The following OLFM3 variants were observed in gnomAD, a reference collection of about 807,000 sequenced individuals.
The protein encoded by OLFM3 is noelin-3.
In OLFM3, 20 loss-of-function variants were observed where a neutral mutation model predicts 48.6. The observed-to-expected ratio is 0.41, with a 90% CI of 0.29 to 0.60. The LOEUF is 0.60. Ranked by LOEUF, OLFM3 falls within the 20% of genes least tolerant of loss-of-function variation. The pLI, the probability that OLFM3 is intolerant of heterozygous loss-of-function variation, is 0.28. For missense variants in OLFM3, 437 were observed against 544.3 expected, an observed-to-expected ratio of 0.80 and a Z score of 1.96; for synonymous variants, 222 against 198.1, an observed-to-expected ratio of 1.12 and a Z score of -1.01.
Position 101,806,100 on chromosome 1 carries a change from A to C in OLFM3, c.675T>G (p.Pro225=). 1.2e-6 allele frequency: 2 copies of C among 1,611,906 alleles called. No homozygotes were observed. Among genetic ancestry groups the C allele is most frequent in the Non-Finnish European group, 1.7e-6 (2 of 1,178,558 alleles). Residue 225 remains proline, a synonymous_variant, in exon 5 of 6, where the codon CCT becomes CCG. Transcript: ENST00000370103. ...GTRFGAWMTD[P]LASEKNNRVW... ...CTCTGTTGTTTTTCTCAGATGCTAA[A>C]GGGTCTGTCATCCAAGCACCAAATC...
chr1:101,957,976 C>T (rs892903554), intron 1 of OLFM3, among the ~76,000 whole-genome samples: 1 of 152,036 alleles, frequency 6.6e-6, no homozygotes, highest in Non-Finnish European at 1.5e-5. Context: ...GAAAGAGGTG[C>T]AGCAACTGTG....
intron 1 of OLFM3, among the ~76,000 whole-genome samples, chr1:101,892,389 G>A (rs1658034979): frequency 7.0e-6 from 1 of 142,804 alleles, no homozygotes. Context: ...ATCTATAGAA[G>A]CTTATGAGCA....
At chr1:101,847,904 A>G (rs1226363109) in intron 1 of OLFM3, among the ~76,000 whole-genome samples, 1 of 152,120 alleles carries the variant, frequency 6.6e-6, no homozygotes, top group Non-Finnish European at 1.5e-5. Flanking sequence ...GTTCTCCTCT[A>G]GTTAGCCATA....
At chr1:101,805,788 T>A (rs1653741764) in intron 5 of OLFM3, among the ~76,000 whole-genome samples, 1 of 151,754 alleles carries the variant, frequency 6.6e-6, no homozygotes, top group Admixed American at 6.6e-5. Flanking sequence ...ACTAAACATA[T>A]TTTAGAAAGA....
chr1:101,948,721 A>T (rs1660032397), intron 1 of OLFM3, among the ~76,000 whole-genome samples: 1 of 151,866 alleles, frequency 6.6e-6, no homozygotes, highest in Non-Finnish European at 1.5e-5. Flanking sequence ...GGATGTCAAA[A>T]CACTCAGGGT....
chr1:101,993,239 C>A (rs2101124641), intron 1 of OLFM3, among the ~76,000 whole-genome samples: 1 of 152,198 alleles, frequency 6.6e-6, no homozygotes, highest in African/African-American at 2.4e-5. Flanking sequence ...CAGAGAAATT[C>A]ATGGTTCTGA....
intron 1 of OLFM3, among the ~76,000 whole-genome samples, chr1:101,885,178 CA>C (rs920258589): frequency 2.0e-5 from 3 of 151,374 alleles, no homozygotes; most frequent in African/African-American, 4.9e-5. Context: ...GTGGATATGG[CA>C]AAAAAAGGTG....
chr1:101,986,523 T>C (rs981080344), intron 1 of OLFM3, among the ~76,000 whole-genome samples: 3 of 152,202 alleles, frequency 2.0e-5, no homozygotes, highest in African/African-American at 7.2e-5. Context: ...TTTTCTCTGA[T>C]TTGGTATGAT....
intron 1 of OLFM3, among the ~76,000 whole-genome samples, chr1:101,917,204 C>T (rs1658955942): frequency 2.6e-5 from 4 of 152,100 alleles, no homozygotes; most frequent in African/African-American, 4.8e-5. Context: ...TAATACTGTT[C>T]CTAAATTGCA....
intron 1 of OLFM3, among the ~76,000 whole-genome samples, chr1:101,971,201 T>G (rs1004262300): frequency 6.6e-6 from 1 of 152,112 alleles, no homozygotes; most frequent in African/African-American, 2.4e-5. Flanking sequence ...TGGTGAGAGA[T>G]GAGGATCTAA....
chr1:101,959,542 G>A (rs77746614), intron 1 of OLFM3, among the ~76,000 whole-genome samples: 38 of 152,056 alleles, frequency 2.5e-4, no homozygotes, highest in African/African-American at 8.0e-4. Context: ...TTATGCAATG[G>A]GTATTTGGAT....
At chr1:101,983,039 C>T (rs1338753298) in intron 1 of OLFM3, among the ~76,000 whole-genome samples, 1 of 152,000 alleles carries the variant, frequency 6.6e-6, no homozygotes, top group African/African-American at 2.4e-5. Flanking sequence ...AACTAAATTC[C>T]AGAAATATTT....
intron 1 of OLFM3, among the ~76,000 whole-genome samples, chr1:101,899,841 C>T (rs981389625): frequency 6.6e-6 from 1 of 151,928 alleles, no homozygotes; most frequent in Admixed American, 6.6e-5. Context: ...TTTAATTTAA[C>T]ATTTAACACA....
intron 1 of OLFM3, among the ~76,000 whole-genome samples, chr1:101,883,237 CT>C (rs1657605946): frequency 6.6e-6 from 1 of 150,928 alleles, no homozygotes; most frequent in Non-Finnish European, 1.5e-5. Context: ...CTGGAGGATC[CT>C]TGTTAAGATC....
intron 1 of OLFM3, among the ~76,000 whole-genome samples, chr1:101,909,172 A>G (rs1314132607): frequency 6.6e-6 from 1 of 152,212 alleles, no homozygotes; most frequent in Non-Finnish European, 1.5e-5. Context: ...ATCTCTGAGA[A>G]ACCACTCAGC....
chr1:101,896,854 T>A (rs1658227840), intron 1 of OLFM3, among the ~76,000 whole-genome samples: 1 of 152,060 alleles, frequency 6.6e-6, no homozygotes, highest in African/African-American at 2.4e-5. Flanking sequence ...ATTCCTTGGC[T>A]TCATTTGACT....
At chr1:101,841,392 C>A (rs191097923) in intron 1 of OLFM3, among the ~76,000 whole-genome samples, 10 of 152,266 alleles carry the variant, frequency 6.6e-5, no homozygotes, top group Admixed American at 4.6e-4. Flanking sequence ...AGGACTTATA[C>A]CAGCTTTCCC....
intron 1 of OLFM3, among the ~76,000 whole-genome samples, chr1:101,880,835 T>C (rs1191270959): frequency 6.6e-6 from 1 of 151,836 alleles, no homozygotes; most frequent in African/African-American, 2.4e-5. Flanking sequence ...CATATTAATA[T>C]TTGATAAAGA....
At chr1:101,860,209 G>A (rs1444939538) in intron 1 of OLFM3, among the ~76,000 whole-genome samples, 3 of 151,902 alleles carry the variant, frequency 2.0e-5, no homozygotes, top group Non-Finnish European at 4.4e-5. Flanking sequence ...AGAGTTAATT[G>A]TTAACAGAAA....
Sources: allele counts gnomAD v4.1 joint callset (sites outside exome capture counted in the v4.1 genomes callset), GRCh38; gene constraint gnomAD v4.1.1; transcripts MANE v1.5; gene names NCBI Gene and HGNC (gene_info 2026-07-23, HGNC 2026-07-21).